Variants in PDE4B observed in about 807,000 individuals in gnomAD.
PDE4B encodes the protein phosphodiesterase 4B, also known as 3',5'-cyclic-AMP phosphodiesterase 4B.
PDE4B carries 20 observed loss-of-function variants against 82.2 expected under a neutral mutation model. The observed-to-expected ratio is 0.24, with a 90% CI of 0.17 to 0.35. The LOEUF (loss-of-function observed/expected upper bound fraction) is 0.35, where lower values mean the gene tolerates loss of function less well. Ranked by LOEUF, PDE4B falls within the 10% of genes least tolerant of loss-of-function variation. PDE4B has a pLI of 1.00. For missense variants in PDE4B, 655 were observed against 907.2 expected (o/e 0.72, Z 3.57); for synonymous variants, 320 against 318.9 (o/e 1.00, Z -0.04).
chr1:66,336,410 A>G (rs762098707), intron 8 of PDE4B, among the ~76,000 whole-genome samples: 1 of 152,200 alleles, frequency 6.6e-6, no homozygotes, highest in Non-Finnish European at 1.5e-5. Context: ...AAAAACGTCA[A>G]AAGGGTCATT....
intron 3 of PDE4B, among the ~76,000 whole-genome samples, chr1:66,097,423 A>G (rs1645138735): frequency 6.6e-6 from 1 of 152,100 alleles, no homozygotes; most frequent in South Asian, 2.1e-4. Context: ...GAAATGTGTC[A>G]ATCAAATCTG....
Position 66,372,661 on chromosome 1 carries a change from T to C in PDE4B, c.2194T>C (p.Ser732Pro). 1 of 1,612,496 alleles carries C rather than the reference T, an allele frequency of 6.2e-7. No individual in the cohort carries two copies. Among genetic ancestry groups the C allele is most frequent in the Non-Finnish European group, 8.5e-7 (1 of 1,178,938 alleles). The change falls in exon 17 of 17, where the codon TCC (serine) becomes CCC (proline). Residue 732 changes from serine to proline, a missense_variant. Around this residue, in one of 3 missense-constraint regions of PDE4B, gnomAD observed 119 missense variants for 115.2 expected, o/e 1.03. Coordinates refer to ENST00000341517, the MANE Select transcript of PDE4B (RefSeq NM_002600.4). ...CATAGACATTGCAACAGAAGACAAG[T>C]CCCCCGTGGATACATAATCCCCCTC... is the stretch of plus-strand genomic sequence containing the variant. ...TDIDIATEDK[S>P]PVDT
intron 3 of PDE4B, among the ~76,000 whole-genome samples, chr1:66,106,773 T>C (rs1389164961): frequency 6.8e-6 from 1 of 147,390 alleles, no homozygotes; most frequent in Admixed American, 6.9e-5. Flanking sequence ...TTCTGTGGGA[T>C]CGGTGGTGAT....
At chr1:66,156,656 T>C (rs1646507263) in intron 3 of PDE4B, among the ~76,000 whole-genome samples, 1 of 152,188 alleles carries the variant, frequency 6.6e-6, no homozygotes. Context: ...GAGTTGTCTA[T>C]GTTCATTATC....
intron 3 of PDE4B, among the ~76,000 whole-genome samples, chr1:66,231,811 T>G (rs1174083126): frequency 6.6e-6 from 1 of 152,342 alleles, no homozygotes; most frequent in Admixed American, 6.5e-5. Flanking sequence ...TTCCCTCTTT[T>G]GAAAGGCTTC....
chr1:65,925,636 T>C (rs1207512925), intron 3 of PDE4B, among the ~76,000 whole-genome samples: 1 of 152,250 alleles, frequency 6.6e-6, no homozygotes, highest in East Asian at 1.9e-4. Context: ...ATTTGACTTA[T>C]TTATTGCCCT....
At chr1:66,189,469 C>T (rs764748691) in intron 3 of PDE4B, among the ~76,000 whole-genome samples, 1 of 152,200 alleles carries the variant, frequency 6.6e-6, no homozygotes, top group African/African-American at 2.4e-5. Flanking sequence ...TTCAGGTACA[C>T]CAATCAGACG....
intron 1 of PDE4B, among the ~76,000 whole-genome samples, chr1:65,860,450 T>G (rs1230057412): frequency 6.6e-6 from 1 of 152,226 alleles, no homozygotes; most frequent in Non-Finnish European, 1.5e-5. Flanking sequence ...CTATCACTGA[T>G]GGGCATTTGG....
chr1:65,931,532 C>T (rs1207773609), intron 3 of PDE4B, among the ~76,000 whole-genome samples: 1 of 152,126 alleles, frequency 6.6e-6, no homozygotes, highest in East Asian at 1.9e-4. Context: ...CAGTTGCTTT[C>T]CTATACACTG....
At chr1:66,090,621 A>ATATATATATG in intron 3 of PDE4B, among the ~76,000 whole-genome samples, 11 of 122,710 alleles carry the variant, frequency 9.0e-5, no homozygotes, top group African/African-American at 3.7e-4. Context: ...TATATAATAT[A>ATATATATATG]TGTGTGTGTG....
intron 3 of PDE4B, among the ~76,000 whole-genome samples, chr1:65,966,809 G>C (rs1649860685): frequency 6.6e-6 from 1 of 152,252 alleles, no homozygotes; most frequent in African/African-American, 2.4e-5. Flanking sequence ...TTTAATAAAT[G>C]GTGTTGGGAA....
chr1:66,358,201 C>A (rs182301948), intron 9 of PDE4B, among the ~76,000 whole-genome samples: 79 of 152,298 alleles, frequency 5.2e-4, no homozygotes, highest in African/African-American at 1.8e-3. Flanking sequence ...TCAGCCAGAA[C>A]TAGGACTTGG....
chr1:66,227,284 G>T (rs1651530558), intron 3 of PDE4B, among the ~76,000 whole-genome samples: 1 of 152,178 alleles, frequency 6.6e-6, no homozygotes, highest in Non-Finnish European at 1.5e-5. Context: ...CATAGGTTAA[G>T]AACACTGGTT....
chr1:66,004,329 A>G (rs1038413474), intron 3 of PDE4B, among the ~76,000 whole-genome samples: 7 of 152,160 alleles, frequency 4.6e-5, no homozygotes, highest in Non-Finnish European at 5.9e-5. Context: ...AGTTTCATTG[A>G]GCAAATGTGG....
chr1:65,877,782 CT>C (rs1646663404), intron 1 of PDE4B, among the ~76,000 whole-genome samples: 2 of 151,766 alleles, frequency 1.3e-5, no homozygotes, highest in Non-Finnish European at 2.9e-5. Context: ...CATAAAAACC[CT>C]AGAAGAAAAC....
intron 3 of PDE4B, among the ~76,000 whole-genome samples, chr1:66,222,453 G>A (rs192282646): frequency 1.3e-5 from 2 of 152,368 alleles, no homozygotes; most frequent in African/African-American, 2.4e-5. Flanking sequence ...TAAGCACCTA[G>A]TAAAAGTTGA....
intron 3 of PDE4B, among the ~76,000 whole-genome samples, chr1:66,134,472 C>T (rs1227987448): frequency 1.3e-5 from 2 of 152,128 alleles, no homozygotes; most frequent in South Asian, 2.1e-4. Flanking sequence ...CTCATGTTAT[C>T]AGACACTGTA....
At chr1:66,365,568 T>C in intron 12 of PDE4B, 99 bp from the exon 13 acceptor site, 1 of 592,502 alleles carries the variant, frequency 1.7e-6, no homozygotes, top group Non-Finnish European at 3.1e-6. Context: ...CAACAATCCC[T>C]CTCCCAACAA....
intron 3 of PDE4B, 62 bp from the exon 4 acceptor site, chr1:66,247,398 G>C (rs1653398650): frequency 5.1e-6 from 6 of 1,184,322 alleles, no homozygotes; most frequent in Non-Finnish European, 4.8e-6. Flanking sequence ...GGTTCTCAGT[G>C]TATACTATGT....
Sources: gnomAD v4.1 joint callset for allele counts (sites outside exome capture counted in the v4.1 genomes callset) on GRCh38, gnomAD v4.1.1 for gene constraint, gnomAD v4.1.1 regional missense constraint, MANE v1.5 for transcripts, NCBI Gene and HGNC (gene_info 2026-07-23, HGNC 2026-07-21) for gene names.